INSC: variants seen among roughly 807,000 people sequenced by gnomAD.
The protein encoded by INSC is protein inscuteable homolog.
In INSC, 67 loss-of-function variants were observed where a neutral mutation model predicts 58.6. That is an observed-to-expected ratio of 1.14 (90% CI 0.94 to 1.40). INSC has a LOEUF of 1.40. Ranked by LOEUF, INSC falls within the 40% of genes most tolerant of loss-of-function variation. The pLI is 0.00. For synonymous variants in INSC, 262 were observed against 276.1 expected, an observed-to-expected ratio of 0.95 and a Z score of 0.51; for missense variants, 714 against 692.0, an observed-to-expected ratio of 1.03 and a Z score of -0.36.
At chr11:15,208,768 C>A (rs550225436) in intron 7 of INSC, among the ~76,000 whole-genome samples, 1 of 152,184 alleles carries the variant, frequency 6.6e-6, no homozygotes, top group African/African-American at 2.4e-5. Context: ...AGGCTCCATC[C>A]GCAGAGGCTC....
chr11:15,221,969 C>T (rs958870865), intron 8 of INSC, among the ~76,000 whole-genome samples: 1 of 152,146 alleles, frequency 6.6e-6, no homozygotes, highest in African/African-American at 2.4e-5. Flanking sequence ...TTTTGACGTT[C>T]AGATACTCAG....
chr11:15,174,248 T>C (rs1033860998), intron 2 of INSC, among the ~76,000 whole-genome samples: 3 of 152,210 alleles, frequency 2.0e-5, no homozygotes, highest in Non-Finnish European at 4.4e-5. Flanking sequence ...CTTCGTCGTG[T>C]GCTTCAAGTC....
chr11:15,199,608 A>T (rs1358418014), intron 6 of INSC, among the ~76,000 whole-genome samples: 3 of 152,140 alleles, frequency 2.0e-5, no homozygotes, highest in Non-Finnish European at 2.9e-5. Flanking sequence ...GTTCTCAAAA[A>T]CCTGACAGAG....
chr11:15,209,210 G>T (rs1850925408), intron 7 of INSC, among the ~76,000 whole-genome samples: 3 of 152,166 alleles, frequency 2.0e-5, no homozygotes, highest in Admixed American at 2.0e-4. Flanking sequence ...ACAAGCCTGG[G>T]TTTGGTGCCC....
chr11:15,193,584 T>C (rs1350389571), intron 6 of INSC, among the ~76,000 whole-genome samples: 3 of 152,184 alleles, frequency 2.0e-5, no homozygotes, highest in Admixed American at 2.0e-4. Context: ...AGAATGATGG[T>C]TTCCAGCTTC....
the INSC span, among the ~76,000 whole-genome samples, chr11:15,262,955 A>C: frequency 6.6e-6 from 1 of 152,160 alleles, no homozygotes; most frequent in South Asian, 2.1e-4. Flanking sequence ...AGAATATTTA[A>C]TTTTTAGAGA....
chr11:15,142,728 A>G (rs978627399), intron 1 of INSC, among the ~76,000 whole-genome samples: 1 of 151,572 alleles, frequency 6.6e-6, no homozygotes, highest in Non-Finnish European at 1.5e-5. Context: ...CCACGCAGTG[A>G]GGACTGCAAG....
Position 15,240,539 on chromosome 11 carries a change from T to C in INSC, c.1470+16T>C. 6.2e-7 allele frequency: 1 copy of C among 1,607,892 alleles called. No homozygotes were observed. Reference sequence around the variant, plus strand: ...GGCCTGCCTGGTGAGTTCTCAGTCTTCCCCCAGCTTTTCCCCTGGCCTTCG... The same window carrying C: ...GGCCTGCCTGGTGAGTTCTCAGTCTCCCCCCAGCTTTTCCCCTGGCCTTCG... On this transcript the variant is annotated intron_variant, in intron 12 of 12. Coordinates refer to ENST00000379556, the MANE Select transcript of INSC (RefSeq NM_001042536.3).
intron 1 of INSC, among the ~76,000 whole-genome samples, chr11:15,119,953 C>T (rs1352994237): frequency 1.3e-5 from 2 of 152,178 alleles, no homozygotes; most frequent in African/African-American, 4.8e-5. Flanking sequence ...AATGCAATAT[C>T]CTTCTTTCTT....
intron 2 of INSC, among the ~76,000 whole-genome samples, chr11:15,149,873 T>G (rs1165483265): frequency 6.6e-6 from 1 of 152,154 alleles, no homozygotes; most frequent in African/African-American, 2.4e-5. Context: ...TCAGAAGTCT[T>G]AAGGTCACAA....
chr11:15,253,582 A>G, the INSC span, among the ~76,000 whole-genome samples: 1 of 152,200 alleles, frequency 6.6e-6, no homozygotes, highest in East Asian at 1.9e-4. Flanking sequence ...AGGAGGAAGA[A>G]AAGGAAGTTG....
intron 1 of INSC, among the ~76,000 whole-genome samples, chr11:15,118,158 T>C (rs192170308): frequency 6.6e-6 from 1 of 152,230 alleles, no homozygotes; most frequent in East Asian, 1.9e-4. Context: ...GAGCTTGGGA[T>C]GGGGAGCTTG....
chr11:15,241,553 A>G (rs563751246), intron 12 of INSC: 2 of 702,668 alleles, frequency 2.8e-6, no homozygotes, highest in South Asian at 1.5e-5. Context: ...TCTGCGTTCC[A>G]TTCACTGTTC....
chr11:15,195,620 G>A (rs901203056), intron 6 of INSC, among the ~76,000 whole-genome samples: 1 of 152,198 alleles, frequency 6.6e-6, no homozygotes, highest in African/African-American at 2.4e-5. Context: ...GCATTTGGTT[G>A]TAAGCCAAGA....
chr11:15,156,330 A>G (rs1227565719), intron 2 of INSC, among the ~76,000 whole-genome samples: 1 of 152,236 alleles, frequency 6.6e-6, no homozygotes, highest in East Asian at 1.9e-4. Flanking sequence ...GCAGTCTTGC[A>G]TAGCAGAAAG....
chr11:15,213,307 C>T (rs1851098239), intron 7 of INSC, among the ~76,000 whole-genome samples: 1 of 152,146 alleles, frequency 6.6e-6, no homozygotes, highest in African/African-American at 2.4e-5. Context: ...AAGACTCCAC[C>T]ACAGACCAAT....
At chr11:15,147,344 G>A in intron 1 of INSC, among the ~76,000 whole-genome samples, 1 of 152,178 alleles carries the variant, frequency 6.6e-6, no homozygotes, top group East Asian at 1.9e-4. Context: ...GCTGTGCTAA[G>A]TGTGTGACCT....
At chr11:15,111,512 C>T (rs1020887313), upstream of INSC, among the ~76,000 whole-genome samples, 58 of 152,170 alleles carry the variant, frequency 3.8e-4, no homozygotes, top group African/African-American at 1.4e-3. Context: ...GGGACCTTTG[C>T]CTGATACAGC....
intron 7 of INSC, among the ~76,000 whole-genome samples, chr11:15,211,813 C>CT (rs1035562406): frequency 9.5e-5 from 14 of 146,618 alleles, no homozygotes; most frequent in Admixed American, 3.4e-4. Context: ...ATACCTTTTT[C>CT]TTTTTTTTTT....
Sources: gnomAD v4.1 joint callset for allele counts (sites outside exome capture counted in the v4.1 genomes callset) on GRCh38, gnomAD v4.1.1 for gene constraint, MANE v1.5 for transcripts, NCBI Gene and HGNC (gene_info 2026-07-23, HGNC 2026-07-21) for gene names.